Variants in TAFA1 observed in about 807,000 individuals in gnomAD.
TAFA1 encodes the protein chemokine-like protein TAFA-1.
TAFA1 carries 4 observed loss-of-function variants against 18.5 expected under a neutral mutation model. The ratio of observed to expected loss-of-function variants is 0.22; its 90% CI spans 0.11 to 0.49. The LOEUF (loss-of-function observed/expected upper bound fraction) is 0.49, where lower values mean the gene tolerates loss of function less well. Ranked by LOEUF, TAFA1 falls within the 20% of genes least tolerant of loss-of-function variation. The pLI is 0.98. For synonymous variants in TAFA1, 56 were observed against 55.2 expected (o/e 1.01, Z -0.06); for missense variants, 147 against 169.0 (o/e 0.87, Z 0.72).
At chr3:68,191,066 TTAAAA>T (rs770384255) in intron 2 of TAFA1, among the ~76,000 whole-genome samples, 6 of 151,808 alleles carry the variant, frequency 4.0e-5, no homozygotes, top group Non-Finnish European at 8.8e-5. Flanking sequence ...GGGTGGGGAC[TTAAAA>T]TAAACCCTAC....
At chr3:68,472,047 T>A (rs1200550479) in intron 3 of TAFA1, among the ~76,000 whole-genome samples, 1 of 152,114 alleles carries the variant, frequency 6.6e-6, no homozygotes, top group East Asian at 1.9e-4. Flanking sequence ...AAGCCATGAT[T>A]GGTTTTGAAA....
chr3:68,430,357 T>C (rs960049190), intron 3 of TAFA1, among the ~76,000 whole-genome samples: 1 of 151,910 alleles, frequency 6.6e-6, no homozygotes, highest in Non-Finnish European at 1.5e-5. Context: ...TGGAAGCCCA[T>C]AGGACAATGA....
At chr3:68,243,707 A>T (rs954712268) in intron 2 of TAFA1, among the ~76,000 whole-genome samples, 1 of 152,152 alleles carries the variant, frequency 6.6e-6, no homozygotes, top group Non-Finnish European at 1.5e-5. Flanking sequence ...CCATTGAAGG[A>T]CATTTGAGTA....
intron 2 of TAFA1, among the ~76,000 whole-genome samples, chr3:68,124,791 G>T (rs1014910581): frequency 3.9e-5 from 6 of 152,182 alleles, no homozygotes; most frequent in African/African-American, 1.4e-4. Flanking sequence ...GTGAACAGAG[G>T]TTCTGAAATC....
chr3:68,483,605 G>T (rs2072276903), intron 3 of TAFA1, among the ~76,000 whole-genome samples: 1 of 152,192 alleles, frequency 6.6e-6, no homozygotes, highest in Non-Finnish European at 1.5e-5. Context: ...GAGAATGCTA[G>T]TTGCAATAAA....
At chr3:68,214,294 C>A (rs2107075522) in intron 2 of TAFA1, among the ~76,000 whole-genome samples, 1 of 152,168 alleles carries the variant, frequency 6.6e-6, no homozygotes, top group African/African-American at 2.4e-5. Flanking sequence ...ATGTTATTTC[C>A]TTATTAAACC....
At chr3:68,367,735 C>T (rs1041018179) in intron 2 of TAFA1, among the ~76,000 whole-genome samples, 1 of 151,006 alleles carries the variant, frequency 6.6e-6, no homozygotes, top group African/African-American at 2.4e-5. Flanking sequence ...TGCATCTGCT[C>T]GCTTGTGTTG....
intron 2 of TAFA1, among the ~76,000 whole-genome samples, chr3:68,361,133 C>T (rs921235515): frequency 7.9e-5 from 12 of 151,488 alleles, no homozygotes; most frequent in Admixed American, 3.3e-4. Flanking sequence ...GGCTGCATCA[C>T]GAAGTGTTGA....
chr3:68,498,722 CT>C (rs34030223), intron 3 of TAFA1, among the ~76,000 whole-genome samples: 211 of 96,858 alleles, frequency 2.2e-3, no homozygotes, highest in Middle Eastern at 5.3e-3. Flanking sequence ...CGTTTGGTGG[CT>C]TTTTTTTTTT....
At chr3:68,395,989 G>T (rs956230734) in intron 2 of TAFA1, among the ~76,000 whole-genome samples, 1 of 151,866 alleles carries the variant, frequency 6.6e-6, no homozygotes, top group Non-Finnish European at 1.5e-5. Flanking sequence ...CCCCAATTGT[G>T]TTTGAGAGTG....
intron 2 of TAFA1, among the ~76,000 whole-genome samples, chr3:68,158,622 G>A (rs1372311760): frequency 6.6e-6 from 1 of 152,090 alleles, no homozygotes; most frequent in African/African-American, 2.4e-5. Context: ...TCATTGGCTA[G>A]AATAGAGGGC....
intron 2 of TAFA1, among the ~76,000 whole-genome samples, chr3:68,270,492 T>C (rs892460129): frequency 2.6e-5 from 4 of 152,184 alleles, no homozygotes; most frequent in African/African-American, 9.7e-5. Context: ...TGAAGACTCA[T>C]TGATGTTTTT....
intron 2 of TAFA1, among the ~76,000 whole-genome samples, chr3:68,254,105 C>CTATGTATGTATGTATG (rs60606466): frequency 0.067 from 9,741 of 144,616 alleles, 498 homozygotes; most frequent in East Asian, 0.25. Context: ...ATCTACCTGT[C>CTATGTATGTATGTATG]TATGTATGTA....
chr3:68,529,692 A>G (rs2073162233), intron 3 of TAFA1, among the ~76,000 whole-genome samples: 1 of 152,288 alleles, frequency 6.6e-6, no homozygotes, highest in Admixed American at 6.5e-5. Flanking sequence ...CAGAGACCAC[A>G]TGGCAGAGAG....
chr3:68,124,247 A>T (rs2065438032), intron 2 of TAFA1, among the ~76,000 whole-genome samples: 1 of 152,216 alleles, frequency 6.6e-6, no homozygotes, highest in African/African-American at 2.4e-5. Flanking sequence ...AAAACATGAC[A>T]GAAGCTTCTT....
intron 2 of TAFA1, among the ~76,000 whole-genome samples, chr3:68,321,851 T>A (rs2068701342): frequency 6.6e-6 from 1 of 152,224 alleles, no homozygotes; most frequent in Non-Finnish European, 1.5e-5. Context: ...AACTGAAATC[T>A]CCAAGGTTTC....
At chr3:68,136,524 A>C (rs1408309350) in intron 2 of TAFA1, among the ~76,000 whole-genome samples, 1 of 152,088 alleles carries the variant, frequency 6.6e-6, no homozygotes, top group Non-Finnish European at 1.5e-5. Context: ...GTTGCATGCC[A>C]CTGTTCCGTA....
intron 3 of TAFA1, among the ~76,000 whole-genome samples, chr3:68,482,155 C>A (rs565966539): frequency 6.6e-6 from 1 of 152,312 alleles, no homozygotes; most frequent in Non-Finnish European, 1.5e-5. Flanking sequence ...GGACTACAGG[C>A]ACCTGCCACC....
In TAFA1 at chr3:68,069,180, T is replaced by C. The variant is rs375643581; in HGVS notation, c.118+62436T>C. Among the ~76,000 whole-genome samples, 8 of 152,350 alleles carry C rather than the reference T, an allele frequency of 5.3e-5. No homozygotes were observed. In the East Asian group the frequency reaches 1.5e-3, roughly 29 times the overall value. On this transcript the variant is annotated intron_variant, in intron 2 of 4. Coordinates refer to ENST00000478136, the MANE Select transcript of TAFA1 (RefSeq NM_213609.4). Reference sequence around the variant, plus strand: ...ATGGTGTATTAGTCCATTTTCACACTGCTGATAAAGACATACCCGAGACTG... The same window carrying C: ...ATGGTGTATTAGTCCATTTTCACACCGCTGATAAAGACATACCCGAGACTG...
Sources: allele counts gnomAD v4.1 joint callset (sites outside exome capture counted in the v4.1 genomes callset), GRCh38; gene constraint gnomAD v4.1.1; transcripts MANE v1.5; gene names NCBI Gene and HGNC (gene_info 2026-07-23, HGNC 2026-07-21).